The following ZNF33A variants were observed in gnomAD, a reference collection of about 807,000 sequenced individuals.
ZNF33A encodes the protein zinc finger protein 33A, also known as brain my041 protein.
A neutral mutation model predicts 15.9 loss-of-function variants in ZNF33A; 9 were observed. The observed-to-expected ratio is 0.57, with a 90% CI of 0.34 to 0.99. ZNF33A has a LOEUF of 0.99. Ranked by LOEUF, ZNF33A falls within the 50% of genes least tolerant of loss-of-function variation. The pLI, the probability that ZNF33A is intolerant of heterozygous loss-of-function variation, is 0.02. For synonymous variants in ZNF33A, 294 were observed against 324.2 expected (o/e 0.91, Z 1.00); for missense variants, 843 against 941.6 (o/e 0.90, Z 1.37).
At chr10:38,047,109 G>A (rs1353718277) in intron 4 of ZNF33A, among the ~76,000 whole-genome samples, 1 of 146,692 alleles carries the variant, frequency 6.8e-6, no homozygotes, top group East Asian at 2.0e-4. Flanking sequence ...GAGCCTGAGA[G>A]GTGATGTTTC....
chr10:38,013,716 A>G (rs2064308678), intron 2 of ZNF33A, among the ~76,000 whole-genome samples: 1 of 152,182 alleles, frequency 6.6e-6, no homozygotes, highest in South Asian at 2.1e-4. Context: ...TTGGCCTCCC[A>G]AAGTGCTAGG....
At chr10:38,015,891 G>A (rs2064430467) in intron 2 of ZNF33A, 1 of 709,176 alleles carries the variant, frequency 1.4e-6, no homozygotes. Flanking sequence ...CAGTAGAATT[G>A]GTTCTGTAAA....
At position 38,055,082 on chromosome 10, in the gene ZNF33A, C is replaced by T. The variant is rs1404201591; in HGVS notation, c.958C>T (p.Gln320Ter). The stretch of plus-strand genomic sequence containing the variant: ...GAGGAAATTGTGTCTGTCACACCTT[C>T]AGAAAGGTGATAAAGGAGAGAAACA... Reference protein sequence around the residue: ...FRRKLCLSHLQKGDKGEKHFE... With the variant: ...FRRKLCLSHL The change falls in exon 5 of 5, where the codon CAG (glutamine) becomes TAG (stop). Residue 320 changes from glutamine to a stop codon, truncating the protein, a stop_gained. Transcript: ENST00000432900. LOFTEE classifies it low-confidence loss of function (END_TRUNC). 8 of 1,614,064 alleles carry T rather than the reference C, an allele frequency of 5.0e-6. No individual in the cohort carries two copies. Among genetic ancestry groups the T allele is most frequent in the Non-Finnish European group, 6.8e-6 (8 of 1,179,988 alleles).
rs569245685 is a variant in ZNF33A, at chr10:38,024,353, CA to C, written c.250+6971del. ...ATTAAATAGTTTGGTATAAATTGAA[CA>C]AAATATGTATAGGACTTTTGTGCTG... is the stretch of plus-strand genomic sequence containing the variant. On this transcript the variant is annotated intron_variant, in intron 4 of 4. Transcript: ENST00000432900. Among the ~76,000 whole-genome samples, 18 of 151,952 alleles carry C rather than the reference CA, an allele frequency of 1.2e-4. No homozygotes were observed. In the South Asian group the frequency reaches 3.5e-3, roughly 30 times the overall value.
upstream of ZNF33A, chr10:38,010,604 A>G (rs374018863): frequency 2.6e-5 from 29 of 1,117,028 alleles, no homozygotes; most frequent in East Asian, 6.1e-4. Context: ...GGTAGTTTCC[A>G]GGTAGGGCGC....
chr10:38,028,078 T>C (rs1010611772), intron 4 of ZNF33A, among the ~76,000 whole-genome samples: 19 of 151,968 alleles, frequency 1.3e-4, no homozygotes, highest in African/African-American at 4.1e-4. Flanking sequence ...ACTAGCCTGG[T>C]CTACAAAGTG....
At chr10:38,031,104 C>T (rs2065192307) in intron 4 of ZNF33A, among the ~76,000 whole-genome samples, 1 of 152,120 alleles carries the variant, frequency 6.6e-6, no homozygotes, top group African/African-American at 2.4e-5. Context: ...ACTAAATATA[C>T]ACAACTAATG....
intron 2 of ZNF33A, 148 bp downstream of exon 2, chr10:38,012,498 C>T (rs1430596151): frequency 3.2e-6 from 3 of 943,902 alleles, no homozygotes; most frequent in Non-Finnish European, 4.6e-6. Context: ...ATGTCCCCAT[C>T]TCGGTTCACT....
Position 38,010,984 on chromosome 10 carries a change from G to A in ZNF33A, c.-45+201G>A, listed in dbSNP as rs540412008. Among the ~76,000 whole-genome samples, 418 of 152,292 alleles carry A rather than the reference G, an allele frequency of 2.7e-3. 3 individuals are homozygous for A. The highest frequency in any genetic ancestry group is 5.2e-3 in the Non-Finnish European group (356 of 68,004). ...GCGGCCTCTGTACGGAGCAGGGTAC[G>A]CAGCGTGTGTCGCCCCATTTGTGGG... On this transcript the variant is annotated intron_variant, in intron 1 of 4. Coordinates refer to ENST00000432900, the MANE Select transcript of ZNF33A (RefSeq NM_006954.2).
chr10:38,024,175 A>AAAAAAAAAAAAAAAAAAAAG (rs1564841335), intron 4 of ZNF33A, among the ~76,000 whole-genome samples: 1 of 144,678 alleles, frequency 6.9e-6, no homozygotes. Flanking sequence ...AAAAAAAAAA[A>AAAAAAAAAAAAAAAAAAAAG]AAAAAAGAAA....
At chr10:38,034,739 T>A (rs986231263) in intron 4 of ZNF33A, among the ~76,000 whole-genome samples, 1 of 152,202 alleles carries the variant, frequency 6.6e-6, no homozygotes, top group African/African-American at 2.4e-5. Context: ...CACTACAAGA[T>A]GGTCCAGGCT....
In ZNF33A at chr10:38,055,654, A is replaced by G; in HGVS notation, c.1530A>G (p.Ser510=). The part of the protein sequence containing the change: ...NACGKTFYHK[S]LLTRHQIIHT... ...GTGGGAAAACTTTCTACCACAAGTC[A>G]TTACTCACCAGGCATCAGATAATTC... Residue 510 remains serine, a synonymous_variant, in exon 5 of 5, where the codon TCA becomes TCG. Coordinates refer to ENST00000432900, the MANE Select transcript of ZNF33A (RefSeq NM_006954.2). The G allele has an allele frequency of 6.2e-7, 1 of 1,614,050 alleles. No homozygotes were observed. The highest frequency in any genetic ancestry group is 8.5e-7 in the Non-Finnish European group (1 of 1,180,006).
downstream of ZNF33A, chr10:38,064,189 C>T: frequency 9.0e-6 from 13 of 1,442,898 alleles, no homozygotes; most frequent in Non-Finnish European, 1.2e-5. Context: ...CATGGCCTTC[C>T]CTTCTTCCAA....
intron 4 of ZNF33A, among the ~76,000 whole-genome samples, chr10:38,025,634 ACTT>A (rs2064952402): frequency 6.6e-6 from 1 of 152,208 alleles, no homozygotes; most frequent in Non-Finnish European, 1.5e-5. Flanking sequence ...GAGGAAATAA[ACTT>A]CTGTTGTTTA....
intron 4 of ZNF33A, among the ~76,000 whole-genome samples, chr10:38,041,333 A>C (rs2065690464): frequency 6.6e-6 from 1 of 151,168 alleles, no homozygotes; most frequent in Non-Finnish European, 1.5e-5. Context: ...ACATGAAATT[A>C]ATATATTTTA....
intron 4 of ZNF33A, among the ~76,000 whole-genome samples, chr10:38,036,166 A>C (rs755504743): frequency 6.6e-6 from 1 of 152,212 alleles, no homozygotes; most frequent in African/African-American, 2.4e-5. Context: ...GTGGCCGGGT[A>C]CGTTGGCTTA....
intron 4 of ZNF33A, among the ~76,000 whole-genome samples, chr10:38,020,673 C>T (rs628330): frequency 0.88 from 133,481 of 152,180 alleles, 58,670 homozygotes; most frequent in South Asian, 0.94. Context: ...CTCTCATTCT[C>T]TTTTATGGCT....
rs2066604785 is a variant in ZNF33A at position 38,059,215 on chromosome 10, T to A, written c.*2655T>A. On this transcript the variant is annotated 3_prime_UTR_variant, in exon 5 of 5. Coordinates refer to ENST00000432900, the MANE Select transcript of ZNF33A (RefSeq NM_006954.2). ...AGGAATACAGGAGAACTTACTCAAG[T>A]TGGTAAAGAACATACTACAAAAAAC... The A allele has an allele frequency of 6.6e-6, 1 of 152,184 alleles. No individual in the cohort carries two copies. The highest frequency in any genetic ancestry group is 2.4e-5 in the African/African-American group (1 of 41,442). 9.4% of individuals were successfully genotyped at this position (152,184 alleles called of 1,614,324 possible). A position where few individuals can be genotyped will look rare whatever the true frequency, so the allele number is the denominator to read the frequency against.
chr10:38,041,275 C>T (rs2065687072), intron 4 of ZNF33A, among the ~76,000 whole-genome samples: 1 of 151,906 alleles, frequency 6.6e-6, no homozygotes, highest in Non-Finnish European at 1.5e-5. Context: ...CCCACCCCTC[C>T]AAGTGTCCAG....
Sources: allele counts gnomAD v4.1 joint callset (sites outside exome capture counted in the v4.1 genomes callset), GRCh38; gene constraint gnomAD v4.1.1; transcripts MANE v1.5; gene names NCBI Gene and HGNC (gene_info 2026-07-23, HGNC 2026-07-21).